The following BBS2 variants were observed in gnomAD, a reference collection of about 807,000 sequenced individuals.
BBS2 encodes the protein Bardet-Biedl syndrome 2, also known as BBSome complex member BBS2.
BBS2 carries 62 observed loss-of-function variants against 83.0 expected under a neutral mutation model. That is an observed-to-expected ratio of 0.75 (90% CI 0.61 to 0.92). BBS2 has a LOEUF of 0.92. Ranked by LOEUF, BBS2 falls within the 40% of genes least tolerant of loss-of-function variation. The pLI is 0.00. For synonymous variants in BBS2, 303 were observed against 326.1 expected, an observed-to-expected ratio of 0.93 and a Z score of 0.76; for missense variants, 784 against 901.0, an observed-to-expected ratio of 0.87 and a Z score of 1.66.
At position 56,498,589 on chromosome 16, in the gene BBS2, A is replaced by G. The variant is rs752637415; in HGVS notation, c.1528-21T>C. On this transcript the variant is annotated intron_variant, in intron 12 of 16. Coordinates refer to ENST00000245157, the MANE Select transcript of BBS2 (RefSeq NM_031885.5). Reference sequence around the variant, plus strand: ...ACAACCTTGAAAATGAACACAATGAAATGACCTCCATTTTTAAGGTACAGA... The same window carrying G: ...ACAACCTTGAAAATGAACACAATGAGATGACCTCCATTTTTAAGGTACAGA... 8 of 1,613,728 alleles carry G rather than the reference A, an allele frequency of 5.0e-6. No homozygotes were observed. In the African/African-American group the frequency reaches 1.1e-4, roughly 22 times the overall value.
chr16:56,492,658 A>G (rs1963991603), intron 15 of BBS2, among the ~76,000 whole-genome samples: 1 of 152,226 alleles, frequency 6.6e-6, no homozygotes, highest in Non-Finnish European at 1.5e-5. Flanking sequence ...TCTTACCACA[A>G]TAAAATAAAA....
chr16:56,494,459 G>C (rs2144122752), intron 15 of BBS2, among the ~76,000 whole-genome samples: 1 of 152,224 alleles, frequency 6.6e-6, no homozygotes, highest in African/African-American at 2.4e-5. Flanking sequence ...TTAGTGGTCA[G>C]ACCATGATCT....
At chr16:56,515,421 C>T (rs916697295) in intron 1 of BBS2, among the ~76,000 whole-genome samples, 3 of 152,096 alleles carry the variant, frequency 2.0e-5, no homozygotes, top group Admixed American at 6.5e-5. Flanking sequence ...AATCGTGTAG[C>T]CCTTCGCAGG....
chr16:56,478,595 G>A (rs1293890660), intron 17 of BBS2: 1 of 152,238 alleles, frequency 6.6e-6, no homozygotes, highest in African/African-American at 2.4e-5. Flanking sequence ...AGGTGAAACT[G>A]TCATGTGTGC....
At chr16:56,479,730 G>A (rs1439077270), downstream of BBS2, among the ~76,000 whole-genome samples, 3 of 152,188 alleles carry the variant, frequency 2.0e-5, no homozygotes, top group Non-Finnish European at 4.4e-5. Flanking sequence ...CCCTTGAGTA[G>A]CTGGCACACC....
At chr16:56,506,389 C>T (rs982171934) in intron 5 of BBS2, among the ~76,000 whole-genome samples, 165 bp from the exon 6 acceptor site, 1 of 152,212 alleles carries the variant, frequency 6.6e-6, no homozygotes, top group East Asian at 1.9e-4. Context: ...CTCTACGATA[C>T]ATGTCATCTA....
rs1296973082 is a variant in BBS2 at position 56,502,662 on chromosome 16, T to A, written c.940+11A>T. On this transcript the variant is annotated intron_variant, in intron 8 of 16. Transcript: ENST00000245157. ...CGTGACTTTTTAAGGATTTTTCTCA[T>A]CCCAATTTACTTTCCCCATCCACTG... The A allele has an allele frequency of 6.2e-7, 1 of 1,614,192 alleles. No homozygotes were observed. Among genetic ancestry groups the A allele is most frequent in the Admixed American group, 1.7e-5 (1 of 60,024 alleles).
chr16:56,470,640 TAA>T, exon 18 of BBS2: 1 of 1,613,984 alleles, frequency 6.2e-7, no homozygotes, highest in African/African-American at 1.3e-5. Flanking sequence ...AGATGAATGA[TAA>T]AAAAGAGGCA....
chr16:56,514,434 TTA>T lies in BBS2; in HGVS notation c.345+17_345+18del. The T allele has an allele frequency of 6.2e-7, 1 of 1,602,038 alleles. No individual in the cohort carries two copies. The highest frequency in any genetic ancestry group is 8.6e-7 in the Non-Finnish European group (1 of 1,169,216). ...TTAATGAGTAATGACAATTTTATGGTTATAAAGGTTATACTTGCCTCTCTGTA... is the reference window on the plus strand; with the variant it reads ...TTAATGAGTAATGACAATTTTATGGTTAAAGGTTATACTTGCCTCTCTGTA... On this transcript the variant is annotated intron_variant, in intron 2 of 16. Coordinates refer to ENST00000245157, the MANE Select transcript of BBS2 (RefSeq NM_031885.5).
At position 56,484,788 on chromosome 16, in the gene BBS2, G is replaced by A. The variant is rs764866796; in HGVS notation, c.2139C>T (p.Ile713=). 2 of 1,613,986 alleles carry A rather than the reference G, an allele frequency of 1.2e-6. No homozygotes were observed. The highest frequency in any genetic ancestry group is 1.7e-6 in the Non-Finnish European group (2 of 1,179,898). ...RSNNINTLFK[I]MRVGTASS is the part of the protein sequence containing the mutation. ...AGGAAGAAGCTGTCCCCACTCGCAT[G>A]ATTTTGAACAGTGTGTTGATGTTAT... The change falls in exon 17 of 17, where the codon ATC becomes ATT. Residue 713 remains isoleucine (I), a synonymous_variant. Coordinates refer to ENST00000245157, the MANE Select transcript of BBS2 (RefSeq NM_031885.5).
intron 2 of BBS2, among the ~76,000 whole-genome samples, chr16:56,513,906 C>T (rs1320304158): frequency 6.6e-6 from 1 of 152,086 alleles, no homozygotes; most frequent in Admixed American, 6.6e-5. Context: ...GTATATATGA[C>T]CCCATTTTAC....
chr16:56,508,535 A>C (rs1310550911), intron 5 of BBS2, among the ~76,000 whole-genome samples: 1 of 152,144 alleles, frequency 6.6e-6, no homozygotes, highest in East Asian at 1.9e-4. Context: ...AACCAGCAGC[A>C]AATAAATATC....
intron 8 of BBS2, 78 bp downstream of exon 8, chr16:56,502,595 C>A: frequency 1.9e-6 from 3 of 1,611,056 alleles, no homozygotes; most frequent in Non-Finnish European, 2.5e-6. Context: ...ACAAATACTT[C>A]AGGTGAAATT....
intron 5 of BBS2, 174 bp downstream of exon 5, chr16:56,509,783 G>C: frequency 1.7e-6 from 1 of 605,770 alleles, no homozygotes; most frequent in Non-Finnish European, 2.9e-6. Context: ...TCTTAATTAG[G>C]ATTTTTATTG....
downstream of BBS2, among the ~76,000 whole-genome samples, chr16:56,481,173 C>T (rs1341663435): frequency 1.3e-5 from 2 of 151,926 alleles, no homozygotes; most frequent in Admixed American, 6.6e-5. Flanking sequence ...TTGTAAAACA[C>T]TTCTAGGGTT....
chr16:56,514,865 C>T lies in BBS2; in HGVS notation c.118-185G>A, dbSNP rs2288058. On this transcript the variant is annotated intron_variant, in intron 1 of 16. Coordinates refer to ENST00000245157, the MANE Select transcript of BBS2 (RefSeq NM_031885.5). ...ACAACTTTCAGTCATTATGAAATCA[C>T]GGAAATCCAGTGGTTCTTAGCCTTG... Among the ~76,000 whole-genome samples the T allele has an allele frequency of 0.24, 36,263 of 151,996 alleles. 4,937 individuals carry two copies. Among genetic ancestry groups the T allele is most frequent in the African/African-American group, 0.38 (15,683 of 41,402 alleles).
At chr16:56,514,358 A>C in intron 2 of BBS2, 95 bp downstream of exon 2, 10 of 1,231,136 alleles carry the variant, frequency 8.1e-6, no homozygotes, top group Non-Finnish European at 1.2e-5. Flanking sequence ...GTCATACAAC[A>C]AACAGACCAA....
chr16:56,484,749 T>C lies in BBS2; in HGVS notation c.*12A>G, dbSNP rs1255915347. 2.5e-6 allele frequency: 4 copies of C among 1,610,108 alleles called. No homozygotes were observed. The Admixed American group carries it at 5.0e-5, about 20-fold the overall frequency. ...TCTTTGCCAGGAACTTCATGACCTG[T>C]ATTTTCCTCACCTAGGAAGAAGCTG... On this transcript the variant is annotated 3_prime_UTR_variant, in exon 17 of 17. Transcript: ENST00000245157.
At chr16:56,481,228 C>T (rs1963656947), downstream of BBS2, among the ~76,000 whole-genome samples, 1 of 151,984 alleles carries the variant, frequency 6.6e-6, no homozygotes, top group Non-Finnish European at 1.5e-5. Context: ...TCTGAAGCTG[C>T]TGACAGGCGT....
Sources: allele counts gnomAD v4.1 joint callset (sites outside exome capture counted in the v4.1 genomes callset), GRCh38; gene constraint gnomAD v4.1.1; transcripts MANE v1.5; gene names NCBI Gene and HGNC (gene_info 2026-07-23, HGNC 2026-07-21).